SIL1: variants seen among roughly 807,000 people sequenced by gnomAD.
SIL1 encodes the protein SIL1 nucleotide exchange factor, also known as nucleotide exchange factor SIL1.
Under a neutral mutation model 49.1 loss-of-function variants are expected in SIL1, and 40 were observed. The ratio of observed to expected loss-of-function variants is 0.81; its 90% CI spans 0.63 to 1.06. The LOEUF is 1.06. Ranked by LOEUF, SIL1 falls within the 50% of genes least tolerant of loss-of-function variation. SIL1 has a pLI of 0.00. For missense variants in SIL1, 500 were observed against 572.6 expected (o/e 0.87, Z 1.29); for synonymous variants, 253 against 250.8 (o/e 1.01, Z -0.08).
chr5:139,191,367 A>T (rs1301238784), intron 1 of SIL1, among the ~76,000 whole-genome samples: 2 of 151,930 alleles, frequency 1.3e-5, no homozygotes, highest in Non-Finnish European at 2.9e-5. Flanking sequence ...GTCCTACTTT[A>T]TGTTATTCCA....
In SIL1 at chr5:138,947,177, G is replaced by A. The variant is rs375567857; in HGVS notation, c.1326C>T (p.Asp442=). 25 of 1,613,454 alleles carry A rather than the reference G, an allele frequency of 1.5e-5. No homozygotes were observed. The African/African-American group carries it at 2.0e-4, about 13-fold the overall frequency. ...LASLELQDGE[D]EGYFQELLGS... is the part of the protein sequence containing the mutation. ...CCAGCAGCTCCTGGAAGTAGCCCTC[G>A]TCCTCACCATCCTGCAGCTCCAGGC... The change falls in exon 10 of 10, where the codon GAC becomes GAT. Residue 442 remains aspartate (D), a synonymous_variant. Transcript: ENST00000394817. The surrounding 1 kb of genome is among the most constrained non-coding windows in gnomAD (Gnocchi z 4.1).
chr5:139,007,264 C>G (rs1171404215), intron 7 of SIL1, among the ~76,000 whole-genome samples: 11 of 121,762 alleles, frequency 9.0e-5, no homozygotes, highest in Non-Finnish European at 1.9e-4. Flanking sequence ...CTCTGTTTGT[C>G]TGTTGTTGGT....
chr5:139,115,893 A>G (rs1428636075), intron 3 of SIL1, among the ~76,000 whole-genome samples: 1 of 152,222 alleles, frequency 6.6e-6, no homozygotes, highest in Non-Finnish European at 1.5e-5. Context: ...CAACTGCCAT[A>G]TGAAATGGAA....
At chr5:139,169,760 C>G (rs1387008755) in intron 1 of SIL1, among the ~76,000 whole-genome samples, 2 of 151,522 alleles carry the variant, frequency 1.3e-5, no homozygotes, top group African/African-American at 4.8e-5. Flanking sequence ...GGATTACAGG[C>G]GTGAGCCACC....
At chr5:139,058,529 A>G (rs192913540) in intron 3 of SIL1, among the ~76,000 whole-genome samples, 47 of 152,270 alleles carry the variant, frequency 3.1e-4, no homozygotes, top group African/African-American at 9.1e-4. Flanking sequence ...ATTGGGATTT[A>G]TTTCACTCCA....
intron 3 of SIL1, among the ~76,000 whole-genome samples, chr5:139,094,373 C>T (rs1424298202): frequency 6.6e-6 from 1 of 152,190 alleles, no homozygotes; most frequent in East Asian, 1.9e-4. Context: ...CAGATGTGAG[C>T]AAGACAGACC....
intron 3 of SIL1, among the ~76,000 whole-genome samples, chr5:139,073,338 T>C (rs759544079): frequency 7.2e-5 from 11 of 152,164 alleles, no homozygotes; most frequent in Non-Finnish European, 1.0e-4. Flanking sequence ...ACAGAAAATA[T>C]GGAATACTGT....
intron 7 of SIL1, among the ~76,000 whole-genome samples, chr5:138,987,407 A>T (rs569820807): frequency 6.6e-6 from 1 of 152,094 alleles, no homozygotes; most frequent in Non-Finnish European, 1.5e-5. Context: ...AAAAAAATCT[A>T]ACTAGTCATC....
intron 1 of SIL1, among the ~76,000 whole-genome samples, chr5:139,174,958 AAAG>A (rs1187090924): frequency 2.0e-5 from 3 of 151,056 alleles, no homozygotes. Context: ...AAAAAAAAAA[AAAG>A]AATAAAAGAA....
At chr5:139,198,177 G>C (rs1338757303) in intron 1 of SIL1, 92 bp downstream of exon 1, 1 of 152,378 alleles carries the variant, frequency 6.6e-6, no homozygotes, top group Non-Finnish European at 1.5e-5. Context: ...ACACTGCTGG[G>C]AAGGCGCCGA....
chr5:139,156,459 C>T (rs2151808569), intron 1 of SIL1, among the ~76,000 whole-genome samples: 1 of 151,858 alleles, frequency 6.6e-6, no homozygotes, highest in South Asian at 2.1e-4. Context: ...ACTTGGAAGG[C>T]TGGGGCAGAA....
intron 7 of SIL1, among the ~76,000 whole-genome samples, chr5:138,976,343 C>T (rs1444713808): frequency 1.4e-5 from 2 of 142,162 alleles, no homozygotes; most frequent in East Asian, 4.1e-4. Context: ...GGCGGAGTCT[C>T]ACTCTGTCAC....
rs542048941 is a variant in SIL1, at chr5:139,026,940, T to G, written c.506A>C (p.Lys169Thr). ...GACAACATTCAGCTCATCAAAGTCT[T>G]TCTTCAGTTCCTCAATGGGGCGGAA... Reference protein sequence around the residue: ...RLFRPIEELKKDFDELNVVIE... With the variant: ...RLFRPIEELKTDFDELNVVIE... The change falls in exon 6 of 10, where the codon AAA becomes ACA. Residue 169 changes from lysine (K) to threonine (T), a missense_variant. Coordinates refer to ENST00000394817, the MANE Select transcript of SIL1 (RefSeq NM_022464.5). The G allele has an allele frequency of 1.9e-6, 3 of 1,614,222 alleles. No individual in the cohort carries two copies. Among genetic ancestry groups the G allele is most frequent in the East Asian group, 4.5e-5 (2 of 44,888 alleles).
intron 3 of SIL1, among the ~76,000 whole-genome samples, chr5:139,108,977 G>A (rs1436718707): frequency 1.3e-5 from 2 of 152,212 alleles, no homozygotes; most frequent in East Asian, 3.9e-4. Flanking sequence ...TGCATCAGCA[G>A]TGTCAGATGA....
chr5:139,069,485 C>G (rs566899515), intron 3 of SIL1, among the ~76,000 whole-genome samples: 28 of 152,020 alleles, frequency 1.8e-4, no homozygotes, highest in Middle Eastern at 6.8e-3. Flanking sequence ...CAAAAGAAGA[C>G]CCAACATAAA....
At chr5:139,053,087 A>T (rs982556349) in intron 3 of SIL1, among the ~76,000 whole-genome samples, 10 of 152,148 alleles carry the variant, frequency 6.6e-5, no homozygotes, top group African/African-American at 1.9e-4. Flanking sequence ...CTTTAGTACT[A>T]ATCTAATCTC....
intron 5 of SIL1, among the ~76,000 whole-genome samples, chr5:139,032,460 A>C (rs893087706): frequency 3.3e-5 from 5 of 152,250 alleles, no homozygotes; most frequent in Middle Eastern, 3.4e-3. Context: ...ATATTGCTGG[A>C]TTTGATTGGC....
chr5:139,116,302 A>T (rs1372686035), intron 3 of SIL1, among the ~76,000 whole-genome samples: 1 of 152,030 alleles, frequency 6.6e-6, no homozygotes, highest in East Asian at 1.9e-4. Flanking sequence ...ATGATTTGGA[A>T]TTTTTTTCTT....
intron 1 of SIL1, among the ~76,000 whole-genome samples, chr5:139,171,226 C>A (rs939731595): frequency 1.3e-5 from 2 of 152,108 alleles, no homozygotes; most frequent in Non-Finnish European, 2.9e-5. Flanking sequence ...GAGAACGGGC[C>A]GGGATGACAA....
Sources: gnomAD v4.1 joint callset for allele counts (sites outside exome capture counted in the v4.1 genomes callset) on GRCh38, gnomAD v4.1.1 for gene constraint, Gnocchi (gnomAD v3.1) non-coding constraint, MANE v1.5 for transcripts, NCBI Gene and HGNC (gene_info 2026-07-23, HGNC 2026-07-21) for gene names.